The following VSIG1 variants were observed in gnomAD, a reference collection of about 807,000 sequenced individuals.
VSIG1 encodes the protein V-set and immunoglobulin domain-containing protein 1.
In VSIG1, 11 loss-of-function variants were observed where a neutral mutation model predicts 20.1. The ratio of observed to expected loss-of-function variants is 0.55; its 90% CI spans 0.34 to 0.91. The LOEUF is 0.91. Ranked by LOEUF, VSIG1 falls within the 40% of genes least tolerant of loss-of-function variation. VSIG1 has a pLI of 0.02. For synonymous variants in VSIG1, 126 were observed against 116.7 expected, an observed-to-expected ratio of 1.08 and a Z score of -0.52; for missense variants, 283 against 298.8, an observed-to-expected ratio of 0.95 and a Z score of 0.39.
the VSIG1 span, among the ~76,000 whole-genome samples, chrX:108,032,968 C>T: frequency 1.8e-5 from 2 of 111,396 alleles, no homozygotes; most frequent in Non-Finnish European, 3.8e-5. Context: ...AGATGCTTTC[C>T]TTAGTTCTCT....
chrX:108,047,925 T>C (rs1256809127), intron 1 of VSIG1, among the ~76,000 whole-genome samples: 1 of 64,790 alleles, frequency 1.5e-5, no homozygotes, highest in Non-Finnish European at 2.7e-5. Flanking sequence ...TATACACATA[T>C]ATATATATAC....
the VSIG1 span, among the ~76,000 whole-genome samples, chrX:108,030,642 C>T: frequency 4.6e-4 from 52 of 112,278 alleles, no homozygotes; most frequent in African/African-American, 1.6e-3. Flanking sequence ...AAAGTAGGAT[C>T]GGGTTTTTAT....
chrX:108,029,871 A>T, the VSIG1 span, among the ~76,000 whole-genome samples: 1 of 111,589 alleles, frequency 9.0e-6, no homozygotes, highest in Middle Eastern at 4.2e-3. Flanking sequence ...GGAGGCCAGG[A>T]TAAAGTCAGA....
In VSIG1 at chrX:108,075,081, G is replaced by T. The variant is rs374102948; in HGVS notation, c.689-996G>T. 8.0e-5 allele frequency among the ~76,000 whole-genome samples: 9 copies of T among 111,865 alleles called. 1 individual carries two copies. The highest frequency in any genetic ancestry group is 2.9e-4 in the African/African-American group (9 of 30,742). ...CTCAGCTGTGAACAATATTTATATAGCCATACTACTGCAAACTTGGATTTA... is the reference window on the plus strand; with the variant it reads ...CTCAGCTGTGAACAATATTTATATATCCATACTACTGCAAACTTGGATTTA... On this transcript the variant is annotated intron_variant, in intron 5 of 6. Coordinates refer to ENST00000217957, the MANE Select transcript of VSIG1 (RefSeq NM_182607.5).
At chrX:108,035,771 G>A in the VSIG1 span, among the ~76,000 whole-genome samples, 4 of 109,986 alleles carry the variant, frequency 3.6e-5, no homozygotes, top group Non-Finnish European at 5.7e-5. Context: ...TTCCCAGCAA[G>A]AGCGTGACCC....
chrX:108,057,620 T>C (rs1000522224), intron 1 of VSIG1, among the ~76,000 whole-genome samples: 1 of 111,660 alleles, frequency 9.0e-6, no homozygotes, highest in African/African-American at 3.3e-5. Flanking sequence ...GAAACTGATA[T>C]GTTTTGCCTG....
At chrX:108,027,731 T>C in the VSIG1 span, among the ~76,000 whole-genome samples, 1 of 111,733 alleles carries the variant, frequency 8.9e-6, no homozygotes, top group African/African-American at 3.2e-5. Context: ...GAAATAGTAA[T>C]TCATAAGAAA....
chrX:108,043,712 C>A (rs938209427), upstream of VSIG1, among the ~76,000 whole-genome samples: 1 of 111,577 alleles, frequency 9.0e-6, no homozygotes, highest in African/African-American at 3.3e-5. Flanking sequence ...AGGAATCAGG[C>A]ATGATGGAAG....
chrX:108,022,403 C>T, the VSIG1 span, among the ~76,000 whole-genome samples: 1 of 111,441 alleles, frequency 9.0e-6, no homozygotes, highest in Non-Finnish European at 1.9e-5. Context: ...ATCTTATATC[C>T]CGCAACTTCA....
chrX:108,020,217 T>A, the VSIG1 span, among the ~76,000 whole-genome samples: 1 of 111,946 alleles, frequency 8.9e-6, no homozygotes, highest in South Asian at 3.7e-4. Context: ...TTTTTCTTTT[T>A]CCCTTTGTGT....
At chrX:108,053,025 G>A (rs1004639358) in intron 1 of VSIG1, among the ~76,000 whole-genome samples, 4 of 111,772 alleles carry the variant, frequency 3.6e-5, no homozygotes, top group Non-Finnish European at 7.5e-5. Context: ...GAGCAGAGAT[G>A]ACAGAAAATA....
At chrX:108,047,971 T>C (rs865845489) in intron 1 of VSIG1, among the ~76,000 whole-genome samples, 4 of 57,742 alleles carry the variant, frequency 6.9e-5, no homozygotes, top group Non-Finnish European at 1.2e-4. Context: ...CATATATATA[T>C]ATATATATAT....
chrX:108,068,344 A>T (rs1356909224), intron 3 of VSIG1, among the ~76,000 whole-genome samples: 1 of 112,129 alleles, frequency 8.9e-6, no homozygotes, highest in African/African-American at 3.2e-5. Context: ...AATTCCTGGG[A>T]GAGTTTCTGT....
At chrX:108,071,136 G>A (rs1012643693) in intron 3 of VSIG1, among the ~76,000 whole-genome samples, 7 of 111,712 alleles carry the variant, frequency 6.3e-5, no homozygotes, top group East Asian at 5.6e-4. Context: ...TACAAAGCCC[G>A]TATTCTGTGT....
At chrX:108,058,335 T>G (rs2030952712) in intron 2 of VSIG1, 134 bp downstream of exon 2, 1 of 590,482 alleles carries the variant, frequency 1.7e-6, no homozygotes, top group African/African-American at 2.3e-5. Context: ...ACAAAAAGTT[T>G]GAAGACAGCT....
chrX:108,075,858 T>C (rs1211848218), intron 5 of VSIG1, among the ~76,000 whole-genome samples: 1 of 111,473 alleles, frequency 9.0e-6, no homozygotes, highest in Non-Finnish European at 1.9e-5. Flanking sequence ...CCCCACCTCC[T>C]CCAAGTTGGC....
intron 2 of VSIG1, among the ~76,000 whole-genome samples, chrX:108,058,965 C>A (rs1179895646): frequency 2.7e-5 from 3 of 110,638 alleles, no homozygotes; most frequent in African/African-American, 9.9e-5. Context: ...TGCATATGCA[C>A]GTGCGTGTGT....
intron 1 of VSIG1, among the ~76,000 whole-genome samples, chrX:108,052,286 G>GA (rs960224485): frequency 9.0e-5 from 10 of 111,389 alleles, no homozygotes; most frequent in African/African-American, 1.6e-4. Flanking sequence ...TTCCTGCTAT[G>GA]AAAAAAACAA....
chrX:108,048,735 T>C (rs2030722812), intron 1 of VSIG1, among the ~76,000 whole-genome samples: 2 of 112,608 alleles, frequency 1.8e-5, no homozygotes, highest in Non-Finnish European at 3.7e-5. Context: ...CATGTGGCTA[T>C]TGAAATTTAA....
Sources: allele counts gnomAD v4.1 joint callset (sites outside exome capture counted in the v4.1 genomes callset), GRCh38; gene constraint gnomAD v4.1.1; transcripts MANE v1.5; gene names NCBI Gene and HGNC (gene_info 2026-07-23, HGNC 2026-07-21).